THBS2: variants seen among roughly 807,000 people sequenced by gnomAD.
THBS2 encodes the protein thrombospondin 2.
Under a neutral mutation model 135.2 loss-of-function variants are expected in THBS2, and 47 were observed. That is an observed-to-expected ratio of 0.35 (90% CI 0.28 to 0.44). THBS2 has a LOEUF of 0.44. Ranked by LOEUF, THBS2 falls within the 20% of genes least tolerant of loss-of-function variation. The probability of loss-of-function intolerance (pLI) is 1.00; values close to 1 mark genes in which losing one functional copy is unlikely to be tolerated. For missense variants in THBS2, 1,288 were observed against 1,603.1 expected (o/e 0.80, Z 3.36); for synonymous variants, 639 against 633.8 (o/e 1.01, Z -0.12).
At chr6:169,222,977 C>G (rs61498032) in intron 18 of THBS2, among the ~76,000 whole-genome samples, 6 of 152,050 alleles carry the variant, frequency 3.9e-5, no homozygotes, top group African/African-American at 7.3e-5. Context: ...ATCCAACTTA[C>G]AAGAGTTCTG....
chr6:169,241,931 G>C lies in THBS2; in HGVS notation c.722C>G (p.Thr241Arg). The change falls in exon 5 of 22, where the codon ACA becomes AGA. Residue 241 changes from threonine to arginine, a missense_variant. By Grantham distance (71) the Thr-to-Arg change is moderately conservative. Coordinates refer to ENST00000617924, the MANE Select transcript of THBS2 (RefSeq NM_003247.5). The surrounding 1 kb of genome is among the most constrained non-coding windows in gnomAD (Gnocchi z 5.5). ...GAEINAISEN[T>R]ETLRLGPHVT... ...ATGCGGACCCAGGCGCAGCGTCTCT[G>C]TGTTCTCACTGATGGCGTTGATCTC... is the stretch of plus-strand genomic sequence containing the variant. 1 of 1,611,282 alleles carries C rather than the reference G, an allele frequency of 6.2e-7. No individual in the cohort carries two copies.
chr6:169,224,857 C>G (rs537543721), intron 17 of THBS2, among the ~76,000 whole-genome samples: 1 of 152,246 alleles, frequency 6.6e-6, no homozygotes, highest in South Asian at 2.1e-4. Flanking sequence ...TCTAGGAGAT[C>G]GTCAACAATC....
At chr6:169,232,514 G>C (rs1779879883) in intron 12 of THBS2, 150 bp downstream of exon 12, 3 of 1,347,646 alleles carry the variant, frequency 2.2e-6, no homozygotes, top group Non-Finnish European at 3.0e-6. Context: ...CGGCCCAGCC[G>C]AGCAGGTGCT....
chr6:169,227,310 AC>A (rs1779667969), intron 15 of THBS2, among the ~76,000 whole-genome samples: 1 of 152,066 alleles, frequency 6.6e-6, no homozygotes, highest in Admixed American at 6.5e-5. Flanking sequence ...GTCTCCAGGC[AC>A]CCCAAGAGAA....
intron 21 of THBS2, 82 bp from the exon 22 acceptor site, chr6:169,217,911 A>G: frequency 7.6e-7 from 1 of 1,313,214 alleles, no homozygotes; most frequent in Admixed American, 2.2e-5. Context: ...ACCTAGAACC[A>G]GAAATATAAT....
chr6:169,247,685 T>G (rs1780599490), intron 3 of THBS2, among the ~76,000 whole-genome samples: 2 of 151,896 alleles, frequency 1.3e-5, no homozygotes, highest in African/African-American at 2.4e-5. Context: ...ACACCTGTTT[T>G]GTGCACACAT....
chr6:169,242,906 TCTTCCCACCTTCCCACCAC>T (rs1562363330), intron 4 of THBS2, among the ~76,000 whole-genome samples: 26 of 7,566 alleles, frequency 3.4e-3, no homozygotes, highest in East Asian at 0.022. Flanking sequence ...AGTGCTCCCA[TCTTCCCACCTTCCCACCAC>T]TCCCACCTTC....
intron 3 of THBS2, among the ~76,000 whole-genome samples, chr6:169,247,671 G>C (rs947737633): frequency 6.6e-6 from 1 of 151,994 alleles, no homozygotes; most frequent in East Asian, 1.9e-4. Flanking sequence ...TGGGTGGTGT[G>C]TGCACACCTG....
chr6:169,226,214 C>T lies in THBS2; in HGVS notation c.2504G>A (p.Cys835Tyr), dbSNP rs745749250. Residue 835 changes from cysteine (C) to tyrosine (Y), a missense_variant, in exon 16 of 22, where the codon TGT becomes TAT. Coordinates refer to ENST00000617924, the MANE Select transcript of THBS2 (RefSeq NM_003247.5). ...GTTGTGCACCAGGGGGCAGTTGTCA[C>T]AGTGATCCCCCACACCGTCACCATC... ...DTDGDGVGDHCDNCPLVHNPD... is the reference protein window; with the variant it reads ...DTDGDGVGDHYDNCPLVHNPD... 5.6e-6 allele frequency: 9 copies of T among 1,613,844 alleles called. No homozygotes were observed. Among genetic ancestry groups the T allele is most frequent in the East Asian group, 2.2e-5 (1 of 44,874 alleles).
intron 4 of THBS2, among the ~76,000 whole-genome samples, chr6:169,242,708 C>T (rs1433903105): frequency 9.7e-5 from 10 of 102,756 alleles, no homozygotes; most frequent in African/African-American, 2.9e-4. Context: ...ACCTTCCCAC[C>T]ACTCCCACCT....
chr6:169,231,670 G>A (rs1779838439), intron 13 of THBS2, among the ~76,000 whole-genome samples: 1 of 152,242 alleles, frequency 6.6e-6, no homozygotes, highest in South Asian at 2.1e-4. Context: ...GGAGCCGAGC[G>A]TGGAGCCGGC....
At chr6:169,238,379 C>G (rs906007322) in intron 7 of THBS2, among the ~76,000 whole-genome samples, 1 of 152,110 alleles carries the variant, frequency 6.6e-6, no homozygotes, top group African/African-American at 2.4e-5. Flanking sequence ...AAATCATTCC[C>G]GTGAGGAGAG....
chr6:169,237,077 C>T (rs907118916), intron 9 of THBS2, 93 bp downstream of exon 9: 4 of 1,432,458 alleles, frequency 2.8e-6, no homozygotes, highest in Non-Finnish European at 3.7e-6. Context: ...TGGAACAGGC[C>T]CTGACACCCC....
rs1779182776 is a variant in THBS2 at position 169,216,655 on chromosome 6, T to G, written c.*1167A>C. 6.6e-6 allele frequency: 1 copy of G among 152,022 alleles called. No individual in the cohort carries two copies. The highest frequency in any genetic ancestry group is 2.4e-5 in the African/African-American group (1 of 41,450). The allele number at this position is 152,022 out of a possible 1,614,324, so 9.4% of individuals were successfully genotyped here. The stretch of plus-strand genomic sequence containing the variant: ...TATTCTCTATGTATTCTGTTACAGC[T>G]TCTAGCATGCTTCATCGTGACAACC... On this transcript the variant is annotated 3_prime_UTR_variant, in exon 22 of 22. Transcript: ENST00000617924.
chr6:169,240,681 T>C, intron 5 of THBS2, 89 bp from the exon 6 acceptor site: 1 of 1,489,940 alleles, frequency 6.7e-7, no homozygotes, highest in Non-Finnish European at 9.1e-7. Flanking sequence ...AGTTCCTCCT[T>C]CATTAAAAAG....
chr6:169,218,598 TGTGG>T (rs993270670), intron 21 of THBS2, among the ~76,000 whole-genome samples: 2 of 90,274 alleles, frequency 2.2e-5, no homozygotes, highest in African/African-American at 4.5e-5. Flanking sequence ...TGGGTGGGTG[TGTGG>T]GTGGGTGGAT....
intron 10 of THBS2, chr6:169,234,451 C>G (rs564404592): frequency 7.0e-5 from 24 of 344,214 alleles, no homozygotes; most frequent in African/African-American, 4.8e-4. Context: ...CGCCACACAA[C>G]TACCCACATT....
intron 20 of THBS2, among the ~76,000 whole-genome samples, chr6:169,220,549 C>A (rs1779387082): frequency 6.6e-6 from 1 of 152,342 alleles, no homozygotes; most frequent in South Asian, 2.1e-4. Context: ...CTTCTTGCAA[C>A]CACACTATTG....
chr6:169,218,445 GTGGC>G, intron 21 of THBS2, among the ~76,000 whole-genome samples: 1 of 137,218 alleles, frequency 7.3e-6, no homozygotes, highest in Non-Finnish European at 1.6e-5. Context: ...GGGTGGGTGG[GTGGC>G]TGAGATGGAT....
Sources: gnomAD v4.1 joint callset for allele counts (sites outside exome capture counted in the v4.1 genomes callset) on GRCh38, gnomAD v4.1.1 for gene constraint, Gnocchi (gnomAD v3.1) non-coding constraint, MANE v1.5 for transcripts, NCBI Gene and HGNC (gene_info 2026-07-23, HGNC 2026-07-21) for gene names.